HPSE2: variants seen among roughly 807,000 people sequenced by gnomAD.
The protein encoded by HPSE2 is inactive heparanase-2.
In HPSE2, 38 loss-of-function variants were observed where a neutral mutation model predicts 60.5. The ratio of observed to expected loss-of-function variants is 0.63; its 90% CI spans 0.48 to 0.82. The LOEUF is 0.82. Among genes scored for constraint, HPSE2 ranks in the 40% least tolerant of loss-of-function variants. The probability of loss-of-function intolerance (pLI) is 0.00; values close to 1 mark genes in which losing one functional copy is unlikely to be tolerated. For missense variants in HPSE2, 713 were observed against 740.4 expected (o/e 0.96, Z 0.43); for synonymous variants, 295 against 293.2 (o/e 1.01, Z -0.06).
At chr10:99,046,042 A>C (rs1395555471) in intron 3 of HPSE2, among the ~76,000 whole-genome samples, 1 of 152,118 alleles carries the variant, frequency 6.6e-6, no homozygotes, top group African/African-American at 2.4e-5. Context: ...GAAAAAATAA[A>C]AGTTTAGGCC....
At chr10:98,468,201 G>A (rs988903147) in intron 11 of HPSE2, among the ~76,000 whole-genome samples, 1 of 152,166 alleles carries the variant, frequency 6.6e-6, no homozygotes, top group African/African-American at 2.4e-5. Context: ...GTGGGGAGAC[G>A]GTGCATCTGG....
At chr10:99,200,052 A>G (rs1848523916) in intron 2 of HPSE2, among the ~76,000 whole-genome samples, 1 of 152,126 alleles carries the variant, frequency 6.6e-6, no homozygotes, top group Admixed American at 6.5e-5. Flanking sequence ...TGTAAATGGA[A>G]TTGTTTTATT....
chr10:99,122,610 G>T (rs533379157), intron 3 of HPSE2, among the ~76,000 whole-genome samples: 16 of 108,206 alleles, frequency 1.5e-4, no homozygotes, highest in Admixed American at 3.7e-4. Flanking sequence ...AATTTAATAA[G>T]AATAGAAAGA....
At chr10:98,886,083 G>T (rs1447340818) in intron 3 of HPSE2, among the ~76,000 whole-genome samples, 1 of 151,712 alleles carries the variant, frequency 6.6e-6, no homozygotes, top group African/African-American at 2.4e-5. Context: ...TTTCTTTTGA[G>T]GTATCAATAT....
chr10:98,515,280 G>GC (rs1300095213), intron 9 of HPSE2, among the ~76,000 whole-genome samples: 1 of 152,088 alleles, frequency 6.6e-6, no homozygotes, highest in Non-Finnish European at 1.5e-5. Context: ...CAAGCCGGCT[G>GC]CTTTACCTTT....
At chr10:98,665,774 T>C (rs1433258881) in intron 6 of HPSE2, among the ~76,000 whole-genome samples, 1 of 152,094 alleles carries the variant, frequency 6.6e-6, no homozygotes, top group Non-Finnish European at 1.5e-5. Flanking sequence ...TTATAAGAAG[T>C]CCTTAAGGGA....
intron 3 of HPSE2, among the ~76,000 whole-genome samples, chr10:99,018,053 C>T (rs1417153064): frequency 1.3e-5 from 2 of 152,162 alleles, no homozygotes; most frequent in Admixed American, 6.5e-5. Context: ...AGCTCCTTAC[C>T]ACCTAACAGT....
intron 7 of HPSE2, among the ~76,000 whole-genome samples, chr10:98,623,973 T>C (rs1490254551): frequency 6.6e-6 from 1 of 152,058 alleles, no homozygotes; most frequent in East Asian, 1.9e-4. Flanking sequence ...TATATAAACA[T>C]GAGGCTAGAA....
chr10:98,809,649 A>G (rs1951122410), intron 3 of HPSE2, among the ~76,000 whole-genome samples: 1 of 152,168 alleles, frequency 6.6e-6, no homozygotes, highest in Non-Finnish European at 1.5e-5. Context: ...TTGCTACAAT[A>G]ATTTTTATAA....
intron 3 of HPSE2, among the ~76,000 whole-genome samples, chr10:98,943,616 C>T (rs1463998644): frequency 1.3e-5 from 2 of 152,094 alleles, no homozygotes; most frequent in Non-Finnish European, 2.9e-5. Context: ...TATTTATTCT[C>T]TTACTTTCTC....
intron 3 of HPSE2, among the ~76,000 whole-genome samples, chr10:99,115,396 C>T (rs1357057087): frequency 6.6e-6 from 1 of 152,008 alleles, no homozygotes; most frequent in Non-Finnish European, 1.5e-5. Context: ...CCTCGTGATC[C>T]GCCCGCCTTG....
At chr10:99,034,086 T>C (rs1006070858) in intron 3 of HPSE2, among the ~76,000 whole-genome samples, 44 of 152,164 alleles carry the variant, frequency 2.9e-4, no homozygotes, top group African/African-American at 8.9e-4. Context: ...CCCAATGCAA[T>C]TCAATAGATG....
chr10:98,570,451 A>AT (rs10636449), intron 9 of HPSE2, among the ~76,000 whole-genome samples: 19 of 147,688 alleles, frequency 1.3e-4, no homozygotes, highest in African/African-American at 4.7e-4. Context: ...GTTTTTGTGG[A>AT]TTTTTTTTTT....
At chr10:99,020,761 C>T (rs985199681) in intron 3 of HPSE2, among the ~76,000 whole-genome samples, 5 of 152,136 alleles carry the variant, frequency 3.3e-5, no homozygotes, top group Admixed American at 3.3e-4. Flanking sequence ...CTTTCATGAT[C>T]CCTACCCACA....
chr10:98,597,751 A>AT (rs1442207802), intron 9 of HPSE2, among the ~76,000 whole-genome samples: 1 of 151,380 alleles, frequency 6.6e-6, no homozygotes, highest in Non-Finnish European at 1.5e-5. Context: ...TGAGGCAGGC[A>AT]TTTGAGGTCA....
chr10:98,743,162 G>A (rs949182323), intron 4 of HPSE2, among the ~76,000 whole-genome samples: 1 of 151,428 alleles, frequency 6.6e-6, no homozygotes, highest in African/African-American at 2.4e-5. Flanking sequence ...TAATAGAGTC[G>A]GGGTTTCACC....
At chr10:99,117,417 GAAAA>G (rs1157232317) in intron 3 of HPSE2, among the ~76,000 whole-genome samples, 32 of 24,798 alleles carry the variant, frequency 1.3e-3, no homozygotes, top group African/African-American at 7.6e-3. Flanking sequence ...TTGTTTTTTT[GAAAA>G]AAAAAAAAAA....
intron 3 of HPSE2, among the ~76,000 whole-genome samples, chr10:98,802,670 A>G (rs908843175): frequency 7.9e-5 from 12 of 151,842 alleles, no homozygotes; most frequent in African/African-American, 2.4e-4. Flanking sequence ...TTATGGCTGC[A>G]TAGTATTCCA....
intron 3 of HPSE2, among the ~76,000 whole-genome samples, chr10:98,994,637 C>T (rs1283087861): frequency 6.6e-6 from 1 of 152,170 alleles, no homozygotes; most frequent in Non-Finnish European, 1.5e-5. Context: ...GCCATGTCAG[C>T]CCAAACTCAG....
Sources: gnomAD v4.1 joint callset for allele counts (sites outside exome capture counted in the v4.1 genomes callset) on GRCh38, gnomAD v4.1.1 for gene constraint, MANE v1.5 for transcripts, NCBI Gene and HGNC (gene_info 2026-07-23, HGNC 2026-07-21) for gene names.